The following RALGAPA1 variants were observed in gnomAD, a reference collection of about 807,000 sequenced individuals.
The protein encoded by RALGAPA1 is ral GTPase-activating protein subunit alpha-1.
A neutral mutation model predicts 269.6 loss-of-function variants in RALGAPA1; 52 were observed. The ratio of observed to expected loss-of-function variants is 0.19; its 90% confidence interval spans 0.15 to 0.24. The LOEUF is 0.24. RALGAPA1 is among the 10% of genes least tolerant of loss of function. RALGAPA1 has a pLI of 1.00. For synonymous variants in RALGAPA1, 817 were observed against 1,008.3 expected, an observed-to-expected ratio of 0.81 and a Z score of 3.60; for missense variants, 1,917 against 3,013.9, an observed-to-expected ratio of 0.64 and a Z score of 8.52.
At chr14:35,617,712 AG>A (rs980317089) in intron 35 of RALGAPA1, among the ~76,000 whole-genome samples, 2 of 151,788 alleles carry the variant, frequency 1.3e-5, no homozygotes, top group African/African-American at 2.4e-5. Flanking sequence ...TATGAAACAA[AG>A]ATAAATAGAA....
In RALGAPA1 at chr14:35,605,345, T is replaced by C. The variant is rs142247064; in HGVS notation, c.7053+241A>G. On this transcript the variant is annotated intron_variant, in intron 36 of 41. Transcript: ENST00000680220. The stretch of plus-strand genomic sequence containing the variant: ...AGCTGTAAGGAAAATCCAGATCTTA[T>C]AAACCTATGAGTTTAGTACTCTTTC... 2.7e-3 allele frequency among the ~76,000 whole-genome samples: 406 copies of C among 152,280 alleles called. 2 individuals are homozygous for C. Among genetic ancestry groups the C allele is most frequent in the African/African-American group, 9.4e-3 (392 of 41,576 alleles).
chr14:35,674,600 C>T lies in RALGAPA1; in HGVS notation c.4734G>A (p.Leu1578=), dbSNP rs199654539. The T allele has an allele frequency of 5.2e-5, 83 of 1,606,244 alleles. No individual in the cohort carries two copies. Among genetic ancestry groups the T allele is most frequent in the Middle Eastern group, 5.0e-4 (3 of 6,022 alleles). Residue 1578 remains leucine, a synonymous_variant, in exon 23 of 42, where the codon TTG becomes TTA. Coordinates refer to ENST00000680220, the MANE Select transcript of RALGAPA1 (RefSeq NM_001346249.2). The part of the protein sequence containing the change: ...TVMWRRMLGI[L]GDVNSIMDPE... ...GATCCATGATTGAATTTACATCTCC[C>T]AAAATGCCTAGCATTCTTCGCCACA...
In RALGAPA1 at chr14:35,677,980, G is replaced by C; in HGVS notation, c.4594C>G (p.His1532Asp). ...TCATCTGGTGTCTGAAGAACAGAGT[G>C]GTGGAGCTTCTCGTCGAGCTGCAGA... ...KDLQLDEKLH[H>D]SVLQTPDDLE... is the part of the protein sequence containing the mutation. The change falls in exon 22 of 42, where the codon CAC becomes GAC. Residue 1532 changes from histidine (H) to aspartate (D), a missense_variant. Transcript: ENST00000680220. 1 of 1,613,500 alleles carries C rather than the reference G, an allele frequency of 6.2e-7. No homozygotes were observed. Among genetic ancestry groups the C allele is most frequent in the Non-Finnish European group, 8.5e-7 (1 of 1,179,840 alleles).
At chr14:35,619,149 T>C (rs2060444220) in intron 35 of RALGAPA1, among the ~76,000 whole-genome samples, 1 of 152,054 alleles carries the variant, frequency 6.6e-6, no homozygotes, top group East Asian at 1.9e-4. Context: ...TAAAGTGTAA[T>C]ATTTACACAA....
At chr14:35,713,044 C>A (rs1354714885) in intron 16 of RALGAPA1, among the ~76,000 whole-genome samples, 1 of 152,034 alleles carries the variant, frequency 6.6e-6, no homozygotes, top group Non-Finnish European at 1.5e-5. Flanking sequence ...CAATTTTATC[C>A]CAAGAGCAAT....
chr14:35,610,441 C>A (rs2059859932), intron 35 of RALGAPA1, among the ~76,000 whole-genome samples: 2 of 152,014 alleles, frequency 1.3e-5, no homozygotes, highest in African/African-American at 4.8e-5. Context: ...CACCACCACG[C>A]CCGGCTAATT....
intron 11 of RALGAPA1, among the ~76,000 whole-genome samples, chr14:35,741,481 C>T (rs2071548561): frequency 6.6e-6 from 1 of 152,032 alleles, no homozygotes; most frequent in Non-Finnish European, 1.5e-5. Context: ...CACACACACA[C>T]ACACACGCTC....
At chr14:35,613,121 A>T (rs2060057598) in intron 35 of RALGAPA1, among the ~76,000 whole-genome samples, 1 of 150,770 alleles carries the variant, frequency 6.6e-6, no homozygotes. Flanking sequence ...TCCCTCTGTC[A>T]TCCAGGCTGG....
At chr14:35,594,778 TGAC>T (rs1410516281) in intron 37 of RALGAPA1, among the ~76,000 whole-genome samples, 2 of 151,008 alleles carry the variant, frequency 1.3e-5, no homozygotes, top group African/African-American at 4.9e-5. Flanking sequence ...AACTACCATA[TGAC>T]CTAGCAAACC....
intron 39 of RALGAPA1, among the ~76,000 whole-genome samples, chr14:35,563,602 C>A (rs1393435978): frequency 6.6e-6 from 1 of 152,096 alleles, no homozygotes; most frequent in Non-Finnish European, 1.5e-5. Context: ...CAGTTAAGAG[C>A]CATCTTAAGT....
chr14:35,797,368 A>AAAAAAAAAAAAAAAAAT, intron 1 of RALGAPA1, among the ~76,000 whole-genome samples: 1 of 151,262 alleles, frequency 6.6e-6, no homozygotes, highest in East Asian at 2.0e-4. Context: ...AAAAAAAAAA[A>AAAAAAAAAAAAAAAAAT]GATGCCAAAG....
intron 16 of RALGAPA1, among the ~76,000 whole-genome samples, chr14:35,716,620 A>G (rs1265267572): frequency 1.3e-5 from 2 of 152,082 alleles, no homozygotes; most frequent in Non-Finnish European, 2.9e-5. Context: ...AAAGTTACCA[A>G]GATATCCCCA....
Position 35,751,928 on chromosome 14 carries a change from A to G in RALGAPA1, c.802+96T>C, listed in dbSNP as rs2072747849. 4 of 1,472,044 alleles carry G rather than the reference A, an allele frequency of 2.7e-6. No homozygotes were observed. The South Asian group carries it at 4.1e-5, about 15-fold the overall frequency. 91.2% of individuals were successfully genotyped at this position (1,472,044 alleles called of 1,614,324 possible). A position where few individuals can be genotyped will look rare whatever the true frequency, so the allele number is the denominator to read the frequency against. On this transcript the variant is annotated intron_variant, in intron 8 of 41. Coordinates refer to ENST00000680220, the MANE Select transcript of RALGAPA1 (RefSeq NM_001346249.2). Reference sequence around the variant, plus strand: ...ATACCAACCAATACAAGTATTAAATATGATCAGTTTCCTGCAGTAACAAAT... The same window carrying G: ...ATACCAACCAATACAAGTATTAAATGTGATCAGTTTCCTGCAGTAACAAAT...
chr14:35,746,064 C>A (rs1471087059), intron 10 of RALGAPA1, among the ~76,000 whole-genome samples: 3 of 152,028 alleles, frequency 2.0e-5, no homozygotes, highest in East Asian at 1.9e-4. Context: ...TGGAGTGAGG[C>A]CCTGTTTCAA....
intron 16 of RALGAPA1, among the ~76,000 whole-genome samples, chr14:35,716,488 C>T (rs938093554): frequency 1.3e-5 from 2 of 151,496 alleles, no homozygotes; most frequent in Non-Finnish European, 2.9e-5. Context: ...GTAAGATCAT[C>T]CTTCTATATA....
intron 12 of RALGAPA1, among the ~76,000 whole-genome samples, chr14:35,729,163 T>C (rs2070239734): frequency 2.0e-5 from 3 of 152,188 alleles, no homozygotes; most frequent in South Asian, 2.1e-4. Context: ...TCTGAATGAG[T>C]TGTTCAAAAC....
chr14:35,644,598 T>TA (rs2062263342), intron 31 of RALGAPA1, among the ~76,000 whole-genome samples: 2 of 152,116 alleles, frequency 1.3e-5, no homozygotes, highest in Middle Eastern at 3.2e-3. Flanking sequence ...GTTAATAATT[T>TA]AAAAAAATAG....
chr14:35,677,701 C>A, intron 22 of RALGAPA1: 1 of 404,572 alleles, frequency 2.5e-6, no homozygotes, highest in Non-Finnish European at 4.4e-6. Flanking sequence ...AATGATAATA[C>A]AATACTTGAA....
intron 17 of RALGAPA1, among the ~76,000 whole-genome samples, chr14:35,690,390 G>A (rs538766890): frequency 6.6e-5 from 10 of 152,212 alleles, no homozygotes; most frequent in South Asian, 4.1e-4. Context: ...ACAGAAAGCC[G>A]ATCCAAGTAT....
Sources: gnomAD v4.1 joint callset for allele counts (sites outside exome capture counted in the v4.1 genomes callset) on GRCh38, gnomAD v4.1.1 for gene constraint, MANE v1.5 for transcripts, NCBI Gene and HGNC (gene_info 2026-07-23, HGNC 2026-07-21) for gene names.